The following RASGRP3 variants were observed in gnomAD, a reference collection of about 807,000 sequenced individuals.
The protein encoded by RASGRP3 is RAS guanyl releasing protein 3.
A neutral mutation model predicts 82.7 loss-of-function variants in RASGRP3; 54 were observed. The observed-to-expected ratio is 0.65, with a 90% confidence interval of 0.52 to 0.82. The LOEUF is 0.82. Ranked by LOEUF, RASGRP3 falls within the 40% of genes least tolerant of loss-of-function variation. The probability of loss-of-function intolerance (pLI) is 0.00; values close to 1 mark genes in which losing one functional copy is unlikely to be tolerated. For missense variants in RASGRP3, 861 were observed against 828.9 expected, an observed-to-expected ratio of 1.04 and a Z score of -0.48; for synonymous variants, 309 against 300.5, an observed-to-expected ratio of 1.03 and a Z score of -0.29.
intron 1 of RASGRP3, among the ~76,000 whole-genome samples, chr2:33,445,674 CTA>C (rs1239970737): frequency 6.6e-6 from 1 of 151,602 alleles, no homozygotes; most frequent in Non-Finnish European, 1.5e-5. Flanking sequence ...TGAAATCTAA[CTA>C]TTGATGTACT....
chr2:33,477,295 C>T (rs914171237), intron 1 of RASGRP3, among the ~76,000 whole-genome samples: 1 of 152,090 alleles, frequency 6.6e-6, no homozygotes, highest in Middle Eastern at 3.2e-3. Context: ...ATTTAGATTT[C>T]TTGCATGGTT....
chr2:33,449,834 T>C (rs1347906829), intron 2 of RASGRP3, among the ~76,000 whole-genome samples: 2 of 152,196 alleles, frequency 1.3e-5, no homozygotes, highest in Non-Finnish European at 2.9e-5. Flanking sequence ...CTTTTGTATA[T>C]TTGACCATTA....
intron 17 of RASGRP3, chr2:33,559,634 A>C: frequency 1.9e-6 from 1 of 518,812 alleles, no homozygotes; most frequent in South Asian, 1.4e-5. Context: ...TTCAAGATGG[A>C]GTTAGATAAA....
chr2:33,553,093 T>TATC (rs1406247414), intron 14 of RASGRP3, among the ~76,000 whole-genome samples: 1 of 145,920 alleles, frequency 6.9e-6, no homozygotes, highest in Non-Finnish European at 1.5e-5. Flanking sequence ...TGCTTGACTG[T>TATC]ATCTTTTTCA....
intron 1 of RASGRP3, among the ~76,000 whole-genome samples, chr2:33,446,122 T>C (rs1163305612): frequency 1.3e-5 from 2 of 152,214 alleles, no homozygotes; most frequent in African/African-American, 4.8e-5. Flanking sequence ...CCATTCTTTT[T>C]TGTTGGTTCC....
At chr2:33,478,690 A>G (rs1667601721) in intron 1 of RASGRP3, among the ~76,000 whole-genome samples, 1 of 152,258 alleles carries the variant, frequency 6.6e-6, no homozygotes, top group Non-Finnish European at 1.5e-5. Flanking sequence ...TGACCTGGAT[A>G]GGAATGATAG....
At chr2:33,492,377 A>T (rs1558439913) in intron 1 of RASGRP3, among the ~76,000 whole-genome samples, 1 of 152,208 alleles carries the variant, frequency 6.6e-6, no homozygotes, top group Admixed American at 6.5e-5. Flanking sequence ...CATGGACACA[A>T]ATACACAAAA....
In RASGRP3 at chr2:33,515,009, G is replaced by C. The variant is rs1574393579; in HGVS notation, c.-127-1G>C. ...TTTCTCTCTTTTTTCTTTTTTTTTA[G>C]AGTTTTCTTGAAGTACAACTAAGGA... is the stretch of plus-strand genomic sequence containing the variant. On this transcript the variant is annotated splice_acceptor_variant, in intron 2 of 17. Coordinates refer to ENST00000403687, the MANE Select transcript of RASGRP3 (RefSeq NM_001139488.2). LOFTEE classifies it low-confidence loss of function (5UTR_SPLICE). 1.3e-6 allele frequency: 1 copy of C among 799,760 alleles called. No individual in the cohort carries two copies. The highest frequency in any genetic ancestry group is 2.1e-6 in the Non-Finnish European group (1 of 477,908). The allele number at this position is 799,760 out of a possible 1,614,324, so 49.5% of individuals were successfully genotyped here.
At chr2:33,515,563 T>TC (rs1318679553) in intron 3 of RASGRP3, among the ~76,000 whole-genome samples, 2 of 152,178 alleles carry the variant, frequency 1.3e-5, no homozygotes, top group African/African-American at 4.8e-5. Context: ...GCTTGCCTCT[T>TC]CCCCCATCCC....
chr2:33,451,338 A>C (rs1272869356), intron 2 of RASGRP3, among the ~76,000 whole-genome samples: 1 of 152,184 alleles, frequency 6.6e-6, no homozygotes, highest in Non-Finnish European at 1.5e-5. Flanking sequence ...CATAGTTTTC[A>C]AATATTTTCT....
At chr2:33,467,001 A>G (rs979671540) in intron 2 of RASGRP3, among the ~76,000 whole-genome samples, 2 of 152,102 alleles carry the variant, frequency 1.3e-5, no homozygotes, top group Non-Finnish European at 2.9e-5. Flanking sequence ...TCCTTAGATC[A>G]TTACCATGAG....
intron 10 of RASGRP3, chr2:33,532,210 T>G (rs1673164900): frequency 1.3e-5 from 2 of 152,214 alleles, no homozygotes; most frequent in African/African-American, 4.8e-5. Flanking sequence ...TAGTTCCCAG[T>G]GTTTGAAAAT....
Position 33,527,205 on chromosome 2 carries a change from C to T in RASGRP3, c.876C>T (p.Ala292=), listed in dbSNP as rs372680008. The stretch of plus-strand genomic sequence containing the variant: ...ACTGCAATTACCGCAAGGCCTTTGC[C>T]GACTGCGATGGCTTCAAAATCCCCA... ...GNYCNYRKAF[A]DCDGFKIPIL... The change falls in exon 10 of 18, where the codon GCC becomes GCT. Residue 292 remains alanine (A), a synonymous_variant. Transcript: ENST00000403687. 9 of 1,613,880 alleles carry T rather than the reference C, an allele frequency of 5.6e-6. No homozygotes were observed. Among genetic ancestry groups the T allele is most frequent in the Admixed American group, 1.7e-5 (1 of 60,006 alleles).
intron 13 of RASGRP3, among the ~76,000 whole-genome samples, chr2:33,547,482 TG>T (rs1674912602): frequency 6.7e-6 from 1 of 149,814 alleles, no homozygotes; most frequent in Non-Finnish European, 1.5e-5. Context: ...GGGAAAATTG[TG>T]GCACAGCAAA....
At chr2:33,509,080 C>A (rs182395856) in intron 1 of RASGRP3, among the ~76,000 whole-genome samples, 2 of 151,994 alleles carry the variant, frequency 1.3e-5, no homozygotes, top group Non-Finnish European at 2.9e-5. Context: ...GTGAAGAGGA[C>A]GTTAAGATAC....
At chr2:33,460,044 C>A (rs1666273309) in intron 2 of RASGRP3, among the ~76,000 whole-genome samples, 1 of 152,156 alleles carries the variant, frequency 6.6e-6, no homozygotes, top group Admixed American at 6.6e-5. Context: ...AATTTTGGAA[C>A]TTTATACAAT....
At chr2:33,467,992 C>CTT (rs1309501079) in intron 2 of RASGRP3, among the ~76,000 whole-genome samples, 7 of 53,384 alleles carry the variant, frequency 1.3e-4, no homozygotes, top group Non-Finnish European at 2.4e-4. Context: ...TTCTTTCTTT[C>CTT]TTTCTTTCTT....
At position 33,502,555 on chromosome 2, in the gene RASGRP3, G is replaced by C. The variant is rs186938181; in HGVS notation, c.-260-9155G>C. Among the ~76,000 whole-genome samples, 1,029 of 146,608 alleles carry C rather than the reference G, an allele frequency of 7.0e-3. 10 individuals are homozygous for C. Among genetic ancestry groups the C allele is most frequent in the African/African-American group, 0.017 (668 of 39,640 alleles). On this transcript the variant is annotated intron_variant, in intron 1 of 17. Transcript: ENST00000403687. ...CTCTGCTGCCCTTTTGCCTAGGCTGGAGTGCAGTGGCAGAATCTCGGCTCA... is the reference window on the plus strand; with the variant it reads ...CTCTGCTGCCCTTTTGCCTAGGCTGCAGTGCAGTGGCAGAATCTCGGCTCA...
At chr2:33,497,371 A>C (rs1669424244) in intron 1 of RASGRP3, among the ~76,000 whole-genome samples, 1 of 152,230 alleles carries the variant, frequency 6.6e-6, no homozygotes, top group Non-Finnish European at 1.5e-5. Flanking sequence ...AAATCCCCAC[A>C]AATTACCACA....
Sources: allele counts gnomAD v4.1 joint callset (sites outside exome capture counted in the v4.1 genomes callset), GRCh38; gene constraint gnomAD v4.1.1; transcripts MANE v1.5; gene names NCBI Gene and HGNC (gene_info 2026-07-23, HGNC 2026-07-21).